Variants in SLC8A3 observed in about 807,000 individuals in gnomAD.
The protein encoded by SLC8A3 is sodium/calcium exchanger 3.
A neutral mutation model predicts 65.4 loss-of-function variants in SLC8A3; 37 were observed. The observed-to-expected ratio is 0.57, with a 90% CI of 0.44 to 0.74. The LOEUF (loss-of-function observed/expected upper bound fraction) is 0.74. Ranked by LOEUF, SLC8A3 falls within the 30% of genes least tolerant of loss-of-function variation. The pLI is 0.00. For missense variants in SLC8A3, 1,112 were observed against 1,172.1 expected (o/e 0.95, Z 0.75); for synonymous variants, 461 against 444.5 (o/e 1.04, Z -0.47).
chr14:70,092,887 T>C (rs1486963427), intron 2 of SLC8A3, among the ~76,000 whole-genome samples: 1 of 152,266 alleles, frequency 6.6e-6, no homozygotes, highest in African/African-American at 2.4e-5. Context: ...GCTGGGTGTC[T>C]GCCCTTTGCA....
chr14:70,089,391 T>G (rs563950793), intron 2 of SLC8A3, among the ~76,000 whole-genome samples: 1 of 152,196 alleles, frequency 6.6e-6, no homozygotes, highest in Admixed American at 6.5e-5. Context: ...AGCTCATAAA[T>G]GCTTATGAAA....
intron 3 of SLC8A3, 152 bp downstream of exon 3, chr14:70,060,684 A>G: frequency 1.3e-6 from 1 of 758,960 alleles, no homozygotes; most frequent in Non-Finnish European, 2.4e-6. Flanking sequence ...AAAGAATAAA[A>G]AAATCCATTG....
chr14:70,062,853 G>A (rs1888969092), intron 2 of SLC8A3, among the ~76,000 whole-genome samples: 1 of 152,198 alleles, frequency 6.6e-6, no homozygotes, highest in Admixed American at 6.5e-5. Context: ...CAGGAACTCT[G>A]CTGTGGGATG....
intron 3 of SLC8A3, chr14:70,060,172 C>G (rs1224407385): frequency 6.4e-6 from 1 of 155,112 alleles, no homozygotes; most frequent in East Asian, 1.9e-4. Context: ...GTGAAACAGC[C>G]AGAAAATACA....
rs752967023 is a variant in SLC8A3 at position 70,046,326 on chromosome 14, G to A, written c.2390-3C>T. 17 of 1,599,912 alleles carry A rather than the reference G, an allele frequency of 1.1e-5. No individual in the cohort carries two copies. The highest frequency in any genetic ancestry group is 1.7e-5 in the Admixed American group (1 of 58,980). On this transcript the variant is annotated splice_region_variant and splice_polypyrimidine_tract_variant and intron_variant, in intron 6 of 6. Transcript: ENST00000356921. This position sits in a 1 kb window ranked among gnomAD's most constrained non-coding sequence, Gnocchi z 4.2. ...AGCAGCTTTGCTGGCAAACGTATCTGGAAAAGGACAAAGACACATGGGAAC... is the reference window on the plus strand; with the variant it reads ...AGCAGCTTTGCTGGCAAACGTATCTAGAAAAGGACAAAGACACATGGGAAC...
In SLC8A3 at chr14:70,046,503, G is replaced by A; in HGVS notation, c.2390-180C>T. 1.7e-6 allele frequency: 1 copy of A among 595,356 alleles called. No homozygotes were observed. 36.9% of individuals were successfully genotyped at this position (595,356 alleles called of 1,614,324 possible). A position where few individuals can be genotyped will look rare whatever the true frequency, so the allele number is the denominator to read the frequency against. On this transcript the variant is annotated intron_variant, in intron 6 of 6. Coordinates refer to ENST00000356921, the MANE Select transcript of SLC8A3 (RefSeq NM_182932.3). This position sits in a 1 kb window ranked among gnomAD's most constrained non-coding sequence, Gnocchi z 4.2. ...CAAGCAAGCCGTGTGGCCCTGGGTAGGTCACATCCCTAGTCTGGGCTTCCC... is the reference window on the plus strand; with the variant it reads ...CAAGCAAGCCGTGTGGCCCTGGGTAAGTCACATCCCTAGTCTGGGCTTCCC...
intron 2 of SLC8A3, among the ~76,000 whole-genome samples, chr14:70,064,448 G>A (rs961037533): frequency 6.6e-6 from 1 of 151,728 alleles, no homozygotes; most frequent in Non-Finnish European, 1.5e-5. Flanking sequence ...GGGACAAACT[G>A]GTTTGTGGAA....
intron 1 of SLC8A3, among the ~76,000 whole-genome samples, chr14:70,178,752 C>A (rs1882463436): frequency 6.6e-6 from 1 of 152,142 alleles, no homozygotes; most frequent in Non-Finnish European, 1.5e-5. Flanking sequence ...TTATTGAGTG[C>A]CAAATGTGTG....
At chr14:70,117,627 G>C (rs2140169600) in intron 2 of SLC8A3, among the ~76,000 whole-genome samples, 1 of 152,134 alleles carries the variant, frequency 6.6e-6, no homozygotes, top group Admixed American at 6.5e-5. Context: ...CTGATGCTTT[G>C]ACATCTGGGG....
intron 2 of SLC8A3, among the ~76,000 whole-genome samples, chr14:70,079,144 C>T (rs546345505): frequency 4.6e-5 from 7 of 152,086 alleles, no homozygotes; most frequent in Admixed American, 3.9e-4. Flanking sequence ...TCTAATCACC[C>T]CTATATTTCC....
intron 2 of SLC8A3, among the ~76,000 whole-genome samples, chr14:70,082,950 T>C (rs2140012306): frequency 6.6e-6 from 1 of 152,092 alleles, no homozygotes; most frequent in Admixed American, 6.5e-5. Context: ...TCCCGGCAAT[T>C]TTTCCTGGGG....
chr14:70,053,879 T>C (rs1346300588), intron 3 of SLC8A3, among the ~76,000 whole-genome samples: 1 of 152,248 alleles, frequency 6.6e-6, no homozygotes, highest in Non-Finnish European at 1.5e-5. Flanking sequence ...GGTTTGGCAA[T>C]AATTCCTGCC....
chr14:70,070,901 A>G lies in SLC8A3; in HGVS notation c.1785-9962T>C, dbSNP rs1351124197. On this transcript the variant is annotated intron_variant, in intron 2 of 6. Coordinates refer to ENST00000356921, the MANE Select transcript of SLC8A3 (RefSeq NM_182932.3). ...GGTGAAAATACTCTCACTATAGTCA[A>G]TTTCAGGCTACTAATAGTTTAACAA... Among the ~76,000 whole-genome samples, 4 of 152,318 alleles carry G rather than the reference A, an allele frequency of 2.6e-5. No individual in the cohort carries two copies. The South Asian group carries it at 8.3e-4, about 32-fold the overall frequency.
chr14:70,086,624 G>A (rs529376811), intron 2 of SLC8A3, among the ~76,000 whole-genome samples: 145 of 151,944 alleles, frequency 9.5e-4, no homozygotes, highest in Non-Finnish European at 1.7e-3. Flanking sequence ...GGCTGGTCTC[G>A]AACTCCTGAT....
intron 1 of SLC8A3, among the ~76,000 whole-genome samples, chr14:70,182,345 C>T (rs1344297454): frequency 6.6e-6 from 1 of 151,944 alleles, no homozygotes; most frequent in Non-Finnish European, 1.5e-5. Context: ...ACTCTGGGAA[C>T]TATCCACACT....
Position 70,166,807 on chromosome 14 carries a change from A to G in SLC8A3, c.1616T>C (p.Ile539Thr). 2 of 1,614,140 alleles carry G rather than the reference A, an allele frequency of 1.2e-6. No individual in the cohort carries two copies. Among genetic ancestry groups the G allele is most frequent in the South Asian group, 2.2e-5 (2 of 91,082 alleles). Residue 539 changes from isoleucine to threonine, a missense_variant, in exon 2 of 7, where the codon ATT becomes ACT. Ile to Thr is a moderately conservative substitution (Grantham distance 89). Coordinates refer to ENST00000356921, the MANE Select transcript of SLC8A3 (RefSeq NM_182932.3). ...AGIFTFECDT[I>T]HVSESIGVME... ...AACACCAATACTCTCACTGACATGA[A>G]TAGTATCACATTCAAAAGTGAAGAT... is the stretch of plus-strand genomic sequence containing the variant.
intron 2 of SLC8A3, among the ~76,000 whole-genome samples, chr14:70,099,230 G>A (rs1044185233): frequency 2.0e-5 from 3 of 152,172 alleles, no homozygotes; most frequent in East Asian, 1.9e-4. Flanking sequence ...ATCCAGGTCT[G>A]ATTTAGCCCA....
chr14:70,114,349 C>A (rs1893515398), intron 2 of SLC8A3, among the ~76,000 whole-genome samples: 1 of 152,156 alleles, frequency 6.6e-6, no homozygotes, highest in Non-Finnish European at 1.5e-5. Flanking sequence ...TGATCAAGGA[C>A]ACACTAAGGG....
intron 1 of SLC8A3, among the ~76,000 whole-genome samples, chr14:70,180,428 G>A (rs1228922055): frequency 6.6e-6 from 1 of 152,232 alleles, no homozygotes; most frequent in Admixed American, 6.5e-5. Context: ...TATTACAAGG[G>A]GGTGCTAGGA....
Sources: allele counts gnomAD v4.1 joint callset (sites outside exome capture counted in the v4.1 genomes callset), GRCh38; gene constraint gnomAD v4.1.1; non-coding constraint Gnocchi (gnomAD v3.1); transcripts MANE v1.5; gene names NCBI Gene and HGNC (gene_info 2026-07-23, HGNC 2026-07-21).